KIF13B: variants seen among roughly 807,000 people sequenced by gnomAD.
KIF13B encodes kinesin family member 13B.
KIF13B carries 127 observed loss-of-function variants against 222.0 expected under a neutral mutation model. The ratio of observed to expected loss-of-function variants is 0.57; its 90% CI spans 0.50 to 0.66. The LOEUF (loss-of-function observed/expected upper bound fraction) is 0.66. Among genes scored for constraint, KIF13B ranks in the 30% least tolerant of loss-of-function variants. The pLI, the probability that KIF13B is intolerant of heterozygous loss-of-function variation, is 0.00. For missense variants in KIF13B, 2,173 were observed against 2,379.0 expected (o/e 0.91, Z 1.80); for synonymous variants, 976 against 919.0 (o/e 1.06, Z -1.12).
At chr8:29,211,836 T>C (rs1029919239) in intron 2 of KIF13B, among the ~76,000 whole-genome samples, 13 of 152,246 alleles carry the variant, frequency 8.5e-5, no homozygotes, top group African/African-American at 3.1e-4. Context: ...CTTTGTTCTG[T>C]CATACACTTA....
chr8:29,256,138 C>A (rs1431108354), intron 1 of KIF13B, among the ~76,000 whole-genome samples: 1 of 152,218 alleles, frequency 6.6e-6, no homozygotes. Context: ...TTCATAGTTG[C>A]AGGCAGGGTA....
chr8:29,112,568 G>C (rs556882152), intron 32 of KIF13B, among the ~76,000 whole-genome samples: 3 of 152,266 alleles, frequency 2.0e-5, no homozygotes, highest in Admixed American at 6.5e-5. Context: ...TGATGGCATG[G>C]TATGAGGGGC....
At chr8:29,108,249 T>G in intron 34 of KIF13B, 57 bp from the exon 35 acceptor site, 3 of 1,533,998 alleles carry the variant, frequency 2.0e-6, no homozygotes, top group Non-Finnish European at 2.7e-6. Flanking sequence ...ACACGTGGTC[T>G]AGGCAACGCC....
chr8:29,249,430 T>TAAAAAA (rs770545452), intron 1 of KIF13B, among the ~76,000 whole-genome samples: 2 of 118,768 alleles, frequency 1.7e-5, no homozygotes, highest in Non-Finnish European at 3.6e-5. Context: ...ACTCCGTCTT[T>TAAAAAA]AAAAAAAAAA....
rs755702951 is a variant in KIF13B, at chr8:29,116,791, G to T, written c.3837+40C>A. ...CACTGCACGGCCCTACCCTCAGGTC[G>T]CAACTGTGGTTAGAGTCGTTTCTTC... On this transcript the variant is annotated intron_variant, in intron 31 of 39. Transcript: ENST00000524189. 5 of 1,557,984 alleles carry T rather than the reference G, an allele frequency of 3.2e-6. No homozygotes were observed. The African/African-American group carries it at 4.1e-5, about 13-fold the overall frequency.
At chr8:29,092,976 C>G (rs1329710194) in intron 36 of KIF13B, 98 bp from the exon 37 acceptor site, 6 of 1,130,942 alleles carry the variant, frequency 5.3e-6, no homozygotes, top group Non-Finnish European at 7.3e-6. Context: ...GCAAATCTAA[C>G]AAAAACCAAA....
At position 29,096,298 on chromosome 8, in the gene KIF13B, T is replaced by C. The variant is rs10095877; in HGVS notation, c.4324+2835A>G. Among the ~76,000 whole-genome samples, 848 of 101,796 alleles carry C rather than the reference T, an allele frequency of 8.3e-3. 2 individuals are homozygous for C. The highest frequency in any genetic ancestry group is 0.034 in the African/African-American group (652 of 18,918). 66.8% of individuals were successfully genotyped at this position (101,796 alleles called of 152,430 possible). A position where few individuals can be genotyped will look rare whatever the true frequency, so the allele number is the denominator to read the frequency against. Reference sequence around the variant, plus strand: ...TGCACCCAGCCCAAGCTTTTCTTTTTTTTTTTTTTTTTTTTTTTTGAGAAA... The same window carrying C: ...TGCACCCAGCCCAAGCTTTTCTTTTCTTTTTTTTTTTTTTTTTTTGAGAAA... On this transcript the variant is annotated intron_variant, in intron 36 of 39. Coordinates refer to ENST00000524189, the MANE Select transcript of KIF13B (RefSeq NM_015254.4).
chr8:29,162,456 T>C (rs1811823002), intron 12 of KIF13B, among the ~76,000 whole-genome samples: 1 of 152,150 alleles, frequency 6.6e-6, no homozygotes, highest in Non-Finnish European at 1.5e-5. Context: ...CTTTCAGAAG[T>C]TTTGAGTCAT....
rs773794427 is a variant in KIF13B at position 29,127,286 on chromosome 8, TAG to T, written c.3076-20_3076-19del. 1.7e-5 allele frequency: 27 copies of T among 1,608,844 alleles called. No homozygotes were observed. Among genetic ancestry groups the T allele is most frequent in the African/African-American group, 8.0e-5 (6 of 74,756 alleles). ...GACTGCCCCTGGGTCACAGACAATT[TAG>T]AGTCTTAAAATCAGTGTCTTGATTT... is the stretch of plus-strand genomic sequence containing the variant. On this transcript the variant is annotated intron_variant, in intron 24 of 39. Coordinates refer to ENST00000524189, the MANE Select transcript of KIF13B (RefSeq NM_015254.4).
At chr8:29,245,504 T>C in intron 1 of KIF13B, 65 bp from the exon 2 acceptor site, 1 of 1,192,612 alleles carries the variant, frequency 8.4e-7, no homozygotes. Context: ...AAAGGCAAAA[T>C]TCAGAAAAGA....
At chr8:29,212,109 G>A (rs573249643) in intron 2 of KIF13B, among the ~76,000 whole-genome samples, 6 of 152,140 alleles carry the variant, frequency 3.9e-5, no homozygotes, top group South Asian at 4.2e-4. Context: ...TGTTTCTAGC[G>A]TGAAGCTATT....
chr8:29,157,410 A>T (rs2130083395), intron 13 of KIF13B, among the ~76,000 whole-genome samples: 1 of 151,386 alleles, frequency 6.6e-6, no homozygotes, highest in South Asian at 2.1e-4. Context: ...AAAAAAAAAA[A>T]AAAAAATTGT....
intron 3 of KIF13B, among the ~76,000 whole-genome samples, chr8:29,192,005 T>C (rs930621227): frequency 1.3e-5 from 2 of 152,236 alleles, no homozygotes; most frequent in African/African-American, 4.8e-5. Flanking sequence ...TGCAGGTACA[T>C]CTTAGCAGGG....
intron 23 of KIF13B, among the ~76,000 whole-genome samples, chr8:29,131,678 G>T (rs1278084592): frequency 6.6e-6 from 1 of 152,152 alleles, no homozygotes; most frequent in Non-Finnish European, 1.5e-5. Flanking sequence ...CAACACTAGA[G>T]TGAATCTTGA....
intron 2 of KIF13B, among the ~76,000 whole-genome samples, chr8:29,208,934 C>T (rs149184566): frequency 1.0e-3 from 157 of 152,310 alleles, no homozygotes; most frequent in African/African-American, 3.6e-3. Flanking sequence ...TGCCTCTGTG[C>T]ATCTGCCAAA....
chr8:29,195,504 G>A (rs1813378140), intron 3 of KIF13B, among the ~76,000 whole-genome samples: 1 of 152,118 alleles, frequency 6.6e-6, no homozygotes. Flanking sequence ...AATAATAATA[G>A]CGAACTGAAT....
intron 2 of KIF13B, among the ~76,000 whole-genome samples, chr8:29,215,562 T>G (rs541664419): frequency 6.6e-6 from 1 of 152,226 alleles, no homozygotes; most frequent in South Asian, 2.1e-4. Flanking sequence ...CACGATGGCA[T>G]GCGTCTGTTG....
At chr8:29,155,588 TA>T (rs1811484393) in intron 14 of KIF13B, 137 bp downstream of exon 14, 1 of 667,334 alleles carries the variant, frequency 1.5e-6, no homozygotes, top group African/African-American at 1.8e-5. Context: ...GCATTAAAGC[TA>T]AATGTAAGGG....
intron 2 of KIF13B, among the ~76,000 whole-genome samples, chr8:29,199,081 A>ATTTTTTTTTTTTTTTTTTTTTTT (rs1435870446): frequency 2.0e-5 from 3 of 151,484 alleles, no homozygotes; most frequent in East Asian, 1.9e-4. Context: ...AAAAAAATAA[A>ATTTTTTTTTTTTTTTTTTTTTTT]ATTTTTTAAA....
Sources: allele counts gnomAD v4.1 joint callset (sites outside exome capture counted in the v4.1 genomes callset), GRCh38; gene constraint gnomAD v4.1.1; transcripts MANE v1.5; gene names NCBI Gene and HGNC (gene_info 2026-07-23, HGNC 2026-07-21).